GRIP1: variants seen among roughly 807,000 people sequenced by gnomAD.
GRIP1 encodes the protein glutamate receptor-interacting protein 1.
GRIP1 carries 45 observed loss-of-function variants against 129.9 expected under a neutral mutation model. The observed-to-expected ratio is 0.35, with a 90% CI of 0.27 to 0.44. The LOEUF (loss-of-function observed/expected upper bound fraction) is 0.44, where lower values mean the gene tolerates loss of function less well. Ranked by LOEUF, GRIP1 falls within the 20% of genes least tolerant of loss-of-function variation. The pLI, the probability that GRIP1 is intolerant of heterozygous loss-of-function variation, is 1.00. For synonymous variants in GRIP1, 530 were observed against 520.8 expected (o/e 1.02, Z -0.24); for missense variants, 1,196 against 1,396.8 (o/e 0.86, Z 2.29).
intron 1 of GRIP1, among the ~76,000 whole-genome samples, chr12:66,660,175 C>T (rs187452976): frequency 5.9e-5 from 9 of 152,174 alleles, no homozygotes; most frequent in East Asian, 1.9e-4. Flanking sequence ...ATTGTGTTCA[C>T]GTTAGAATTT....
In GRIP1 at chr12:66,371,825, G is replaced by A. The variant is rs761580569; in HGVS notation, c.2881C>T (p.Arg961Trp). 1.5e-5 allele frequency: 24 copies of A among 1,613,580 alleles called. No homozygotes were observed. The highest frequency in any genetic ancestry group is 3.3e-5 in the South Asian group (3 of 91,084). ...QASFQERSSS[R>W]PHYSQTTRSN... is the part of the protein sequence containing the mutation. ...CGAGTTGTTTGGCTGTAGTGCGGCCGCGAGCTGCTGCGCTCCTGGAAGCTG... is the reference window on the plus strand; with the variant it reads ...CGAGTTGTTTGGCTGTAGTGCGGCCACGAGCTGCTGCGCTCCTGGAAGCTG... Residue 961 changes from arginine (R) to tryptophan (W), a missense_variant, in exon 23 of 25, where the codon CGG becomes TGG. Around this residue, in one of 5 missense-constraint regions of GRIP1, gnomAD observed 427 missense variants for 463.3 expected, o/e 0.92. Coordinates refer to ENST00000359742, the MANE Select transcript of GRIP1 (RefSeq NM_001366722.1).
At chr12:66,982,143 T>G (rs2135598577) in intron 1 of GRIP1, among the ~76,000 whole-genome samples, 1 of 152,318 alleles carries the variant, frequency 6.6e-6, no homozygotes, top group East Asian at 1.9e-4. Flanking sequence ...ATTAACTCAT[T>G]TAATAGGTAG....
At chr12:66,878,126 G>C (rs2040413255) in intron 1 of GRIP1, among the ~76,000 whole-genome samples, 1 of 152,038 alleles carries the variant, frequency 6.6e-6, no homozygotes, top group Non-Finnish European at 1.5e-5. Context: ...AACAAAGACA[G>C]ACTGAGCACC....
chr12:66,900,010 G>A (rs2040819910), intron 1 of GRIP1, among the ~76,000 whole-genome samples: 2 of 152,276 alleles, frequency 1.3e-5, no homozygotes, highest in South Asian at 4.1e-4. Context: ...GATAGCATAT[G>A]TGATTTTTAG....
intron 1 of GRIP1, among the ~76,000 whole-genome samples, chr12:66,736,710 A>G (rs1298536494): frequency 6.6e-6 from 1 of 152,036 alleles, no homozygotes; most frequent in Non-Finnish European, 1.5e-5. Context: ...AAATGTTTAA[A>G]TTGATATTCA....
intron 16 of GRIP1, among the ~76,000 whole-genome samples, chr12:66,397,383 C>T (rs954452775): frequency 9.2e-5 from 14 of 151,756 alleles, no homozygotes; most frequent in East Asian, 1.9e-4. Flanking sequence ...TGTGGTGGCA[C>T]GTGCCTGTAG....
At chr12:66,455,856 C>T (rs1301045272) in intron 10 of GRIP1, among the ~76,000 whole-genome samples, 1 of 152,200 alleles carries the variant, frequency 6.6e-6, no homozygotes, top group Non-Finnish European at 1.5e-5. Context: ...CTCAATGCAT[C>T]AGATACATAA....
intron 1 of GRIP1, among the ~76,000 whole-genome samples, chr12:66,991,386 G>A (rs2042392243): frequency 6.6e-6 from 1 of 152,184 alleles, no homozygotes; most frequent in Non-Finnish European, 1.5e-5. Flanking sequence ...TAGAGACACG[G>A]CTTCATTTGC....
chr12:66,672,694 A>G (rs894716682), intron 1 of GRIP1, among the ~76,000 whole-genome samples: 1 of 152,150 alleles, frequency 6.6e-6, no homozygotes, highest in African/African-American at 2.4e-5. Flanking sequence ...CTATCCCTAG[A>G]AACTATGTAT....
At chr12:66,720,051 A>T (rs531888629) in intron 1 of GRIP1, among the ~76,000 whole-genome samples, 45 of 152,296 alleles carry the variant, frequency 3.0e-4, no homozygotes, top group Middle Eastern at 3.4e-3. Context: ...AATTTCAGAC[A>T]TTATAAATGC....
intron 23 of GRIP1, among the ~76,000 whole-genome samples, chr12:66,356,236 T>C (rs1030852391): frequency 6.6e-6 from 1 of 152,194 alleles, no homozygotes; most frequent in African/African-American, 2.4e-5. Flanking sequence ...GAGATATTAC[T>C]GTCTCTACCA....
intron 1 of GRIP1, among the ~76,000 whole-genome samples, chr12:66,793,583 T>C (rs1176700149): frequency 1.3e-5 from 2 of 152,192 alleles, no homozygotes; most frequent in Admixed American, 6.5e-5. Flanking sequence ...TGGTTAGTCA[T>C]AACAGCATGT....
intron 1 of GRIP1, among the ~76,000 whole-genome samples, chr12:66,909,723 C>T (rs2137306636): frequency 6.6e-6 from 1 of 152,288 alleles, no homozygotes; most frequent in South Asian, 2.1e-4. Flanking sequence ...TCTTCTAAAA[C>T]ATCTTTTGGC....
At chr12:66,773,121 C>T (rs2037871839) in intron 1 of GRIP1, among the ~76,000 whole-genome samples, 2 of 152,150 alleles carry the variant, frequency 1.3e-5, no homozygotes, top group South Asian at 4.1e-4. Flanking sequence ...TGAGAAATGA[C>T]ATTTTCGTAG....
chr12:66,929,684 C>G (rs1202269883), intron 1 of GRIP1, among the ~76,000 whole-genome samples: 3 of 152,194 alleles, frequency 2.0e-5, no homozygotes, highest in Non-Finnish European at 4.4e-5. Context: ...CAACTGAAAT[C>G]TTATGTCTAC....
At chr12:66,741,044 T>C (rs1186147707) in intron 1 of GRIP1, among the ~76,000 whole-genome samples, 1 of 152,154 alleles carries the variant, frequency 6.6e-6, no homozygotes, top group Admixed American at 6.6e-5. Context: ...ACGGGCTTGG[T>C]TGTGAAGAAT....
At chr12:66,958,030 G>T (rs1337034734) in intron 1 of GRIP1, among the ~76,000 whole-genome samples, 1 of 151,492 alleles carries the variant, frequency 6.6e-6, no homozygotes. Flanking sequence ...TTTGGATTAT[G>T]ATTATAATAT....
chr12:66,732,563 A>AAAC (rs1565993539), intron 1 of GRIP1, among the ~76,000 whole-genome samples: 39 of 152,092 alleles, frequency 2.6e-4, no homozygotes, highest in African/African-American at 9.2e-4. Flanking sequence ...AACAAACAAA[A>AAAC]AAAAAACAAA....
intron 1 of GRIP1, among the ~76,000 whole-genome samples, chr12:66,652,040 T>C (rs2032832545): frequency 6.6e-6 from 1 of 152,138 alleles, no homozygotes; most frequent in Non-Finnish European, 1.5e-5. Flanking sequence ...AGAGAAGTAT[T>C]CTGCCTTTTG....
Sources: gnomAD v4.1 joint callset for allele counts (sites outside exome capture counted in the v4.1 genomes callset) on GRCh38, gnomAD v4.1.1 for gene constraint, gnomAD v4.1.1 regional missense constraint, MANE v1.5 for transcripts, NCBI Gene and HGNC (gene_info 2026-07-23, HGNC 2026-07-21) for gene names.